Variants in LRFN5 observed in about 807,000 individuals in gnomAD.
LRFN5 encodes leucine rich repeat and fibronectin type III domain containing 5, also known as leucine-rich repeat and fibronectin type-III domain-containing protein 5.
A neutral mutation model predicts 45.6 loss-of-function variants in LRFN5; 24 were observed. The observed-to-expected ratio is 0.53, with a 90% CI of 0.38 to 0.74. The LOEUF is 0.74. Among genes scored for constraint, LRFN5 ranks in the 30% least tolerant of loss-of-function variants. LRFN5 has a pLI of 0.00. For synonymous variants in LRFN5, 340 were observed against 313.8 expected, an observed-to-expected ratio of 1.08 and a Z score of -0.88; for missense variants, 776 against 861.5, an observed-to-expected ratio of 0.90 and a Z score of 1.24.
intron 1 of LRFN5, among the ~76,000 whole-genome samples, chr14:41,642,174 A>G (rs368853332): frequency 4.6e-5 from 7 of 152,306 alleles, no homozygotes; most frequent in African/African-American, 1.7e-4. Context: ...AGATTAACCA[A>G]CATAACTCTT....
intron 1 of LRFN5, among the ~76,000 whole-genome samples, chr14:41,754,183 T>C (rs1488729164): frequency 6.6e-6 from 1 of 152,132 alleles, no homozygotes; most frequent in African/African-American, 2.4e-5. Flanking sequence ...TTATTGAGGA[T>C]TTTTGCATCG....
At chr14:41,688,910 C>CAAA (rs59803978) in intron 1 of LRFN5, among the ~76,000 whole-genome samples, 2 of 125,280 alleles carry the variant, frequency 1.6e-5, no homozygotes, top group African/African-American at 5.8e-5. Context: ...CTATTTCTAC[C>CAAA]AAAAAAAAAA....
chr14:41,785,969 C>T (rs1886705784), intron 2 of LRFN5, among the ~76,000 whole-genome samples: 1 of 152,122 alleles, frequency 6.6e-6, no homozygotes, highest in Non-Finnish European at 1.5e-5. Flanking sequence ...TGCTCGCCTC[C>T]TGCTGTGTTA....
chr14:41,682,030 CTGGTCTAGAACTCCTGACCTCAAGTG>C lies in LRFN5; in HGVS notation c.-197+73469_-197+73494del, dbSNP rs1236482500. ...ACAGGGTTTCACCATATTGTCCGGG[CTGGTCTAGAACTCCTGACCTCAAGTG>C]ATCCGCCTGCCTTGGCCTCCCAAAA... On this transcript the variant is annotated intron_variant, in intron 1 of 5. Transcript: ENST00000298119. Among the ~76,000 whole-genome samples the C allele has an allele frequency of 3.9e-3, 591 of 151,850 alleles. 1 individual carries two copies. The highest frequency in any genetic ancestry group is 6.1e-3 in the Non-Finnish European group (414 of 67,940).
chr14:41,660,887 T>A (rs560854228), intron 1 of LRFN5, among the ~76,000 whole-genome samples: 1 of 151,532 alleles, frequency 6.6e-6, no homozygotes, highest in South Asian at 2.1e-4. Flanking sequence ...ATTAAGATAC[T>A]TTGGCCAAGT....
At chr14:41,788,942 G>GA (rs1886823579) in intron 2 of LRFN5, among the ~76,000 whole-genome samples, 1 of 151,958 alleles carries the variant, frequency 6.6e-6, no homozygotes, top group Admixed American at 6.6e-5. Context: ...CTAAGAACTT[G>GA]AAAGGGTTGA....
At chr14:41,799,962 A>C (rs748930219) in intron 2 of LRFN5, among the ~76,000 whole-genome samples, 30 of 152,024 alleles carry the variant, frequency 2.0e-4, no homozygotes, top group Non-Finnish European at 1.0e-4. Context: ...AAGGGAAAGA[A>C]AAAGGAAAAG....
intron 1 of LRFN5, among the ~76,000 whole-genome samples, chr14:41,697,827 A>C (rs1240690811): frequency 6.6e-6 from 1 of 151,892 alleles, no homozygotes; most frequent in Non-Finnish European, 1.5e-5. Flanking sequence ...GTAGTTGATA[A>C]TGTATTCATC....
chr14:41,684,587 G>C (rs1882042669), intron 1 of LRFN5, among the ~76,000 whole-genome samples: 1 of 152,082 alleles, frequency 6.6e-6, no homozygotes, highest in South Asian at 2.1e-4. Context: ...GGGGATTATG[G>C]GGATTACAAT....
At chr14:41,845,072 C>T (rs973174086) in intron 2 of LRFN5, among the ~76,000 whole-genome samples, 2 of 151,946 alleles carry the variant, frequency 1.3e-5, no homozygotes, top group Non-Finnish European at 2.9e-5. Flanking sequence ...TTAAAATGAA[C>T]GTGCACAATT....
Position 41,856,675 on chromosome 14 carries a change from A to ATTTTTTTTTTT in LRFN5, c.-20-29922_-20-29912dup, listed in dbSNP as rs1555326982. On this transcript the variant is annotated intron_variant, in intron 2 of 5. Coordinates refer to ENST00000298119, the MANE Select transcript of LRFN5 (RefSeq NM_152447.5). ...TTCTTTCCTAATTATTATTATTATT[A>ATTTTTTTTTTT]TTTTTTTTTTTTTTTTTTTGAGACG... Among the ~76,000 whole-genome samples, 62 of 18,332 alleles carry ATTTTTTTTTTT rather than the reference A, an allele frequency of 3.4e-3. 2 individuals are homozygous for ATTTTTTTTTTT. The highest frequency in any genetic ancestry group is 0.01 in the South Asian group (2 of 200). The allele number at this position is 18,332 out of a possible 152,430, so 12.0% of individuals were successfully genotyped here.
intron 2 of LRFN5, among the ~76,000 whole-genome samples, chr14:41,812,955 T>A (rs1594432033): frequency 6.6e-6 from 1 of 152,120 alleles, no homozygotes; most frequent in South Asian, 2.1e-4. Flanking sequence ...CACACACAGG[T>A]AGCTTTCAAC....
At chr14:41,736,317 A>T (rs147861461) in intron 1 of LRFN5, among the ~76,000 whole-genome samples, 1 of 152,238 alleles carries the variant, frequency 6.6e-6, no homozygotes, top group Admixed American at 6.5e-5. Flanking sequence ...ATGAGATGGT[A>T]TCTCATTGTG....
intron 1 of LRFN5, among the ~76,000 whole-genome samples, chr14:41,666,572 A>C (rs547545085): frequency 2.0e-5 from 3 of 152,136 alleles, no homozygotes; most frequent in Non-Finnish European, 4.4e-5. Flanking sequence ...GGAAGCATGC[A>C]CATTTATGTG....
At chr14:41,638,578 G>A (rs558609557) in intron 1 of LRFN5, among the ~76,000 whole-genome samples, 612 of 152,152 alleles carry the variant, frequency 4.0e-3, no homozygotes, top group Middle Eastern at 6.8e-3. Context: ...GATTTACCAG[G>A]TTTCTAGCTT....
At chr14:41,798,476 A>G (rs776854715) in intron 2 of LRFN5, among the ~76,000 whole-genome samples, 3 of 152,002 alleles carry the variant, frequency 2.0e-5, no homozygotes, top group Non-Finnish European at 1.5e-5. Context: ...TGTACTTAAA[A>G]CAGAGCAGTG....
chr14:41,628,639 A>G (rs191751843), intron 1 of LRFN5, among the ~76,000 whole-genome samples: 1 of 152,218 alleles, frequency 6.6e-6, no homozygotes, highest in African/African-American at 2.4e-5. Context: ...GCTTAGCAGT[A>G]AACAAGAGAG....
chr14:41,888,070 T>A, intron 3 of LRFN5, 60 bp downstream of exon 3: 1 of 1,333,980 alleles, frequency 7.5e-7, no homozygotes, highest in Non-Finnish European at 1.0e-6. Context: ...AATTTGTTAA[T>A]GTACTACTGA....
chr14:41,652,636 GT>G (rs1880184437), intron 1 of LRFN5, among the ~76,000 whole-genome samples: 1 of 152,104 alleles, frequency 6.6e-6, no homozygotes, highest in Non-Finnish European at 1.5e-5. Context: ...TGAGCTGGGA[GT>G]TCTGACCTAC....
Sources: allele counts gnomAD v4.1 joint callset (sites outside exome capture counted in the v4.1 genomes callset), GRCh38; gene constraint gnomAD v4.1.1; transcripts MANE v1.5; gene names NCBI Gene and HGNC (gene_info 2026-07-23, HGNC 2026-07-21).